Variants in LDLRAD4 observed in about 807,000 individuals in gnomAD.
LDLRAD4 encodes low density lipoprotein receptor class A domain containing 4, also known as low-density lipoprotein receptor class A domain-containing protein 4.
In LDLRAD4, 5 loss-of-function variants were observed where a neutral mutation model predicts 17.0. The observed-to-expected ratio is 0.29, with a 90% CI of 0.15 to 0.62. LDLRAD4 has a LOEUF of 0.62. LDLRAD4 is among the 20% of genes least tolerant of loss of function. LDLRAD4 has a pLI of 0.84. For synonymous variants in LDLRAD4, 168 were observed against 171.8 expected (o/e 0.98, Z 0.17); for missense variants, 340 against 424.7 (o/e 0.80, Z 1.75).
chr18:13,231,875 T>TA (rs1029966013), intron 1 of LDLRAD4, among the ~76,000 whole-genome samples: 1 of 152,204 alleles, frequency 6.6e-6, no homozygotes, highest in African/African-American at 2.4e-5. Flanking sequence ...GGCCAGAGTT[T>TA]ATGTTATTTT....
At chr18:13,591,416 A>C (rs1014009517) in intron 3 of LDLRAD4, among the ~76,000 whole-genome samples, 53 of 138,478 alleles carry the variant, frequency 3.8e-4, no homozygotes, top group Non-Finnish European at 6.9e-4. Context: ...ATGTGTGTGT[A>C]TGTGTGTGTG....
intron 1 of LDLRAD4, among the ~76,000 whole-genome samples, chr18:13,321,898 A>AAAAAAAAAAAAAGAAAAGAAAAG (rs2081261024): frequency 1.0e-5 from 1 of 96,172 alleles, no homozygotes; most frequent in African/African-American, 4.5e-5. Flanking sequence ...AAAAAAAAAA[A>AAAAAAAAAAAAAGAAAAGAAAAG]AAAAGAAAAG....
chr18:13,473,653 AT>A (rs1568213678), intron 3 of LDLRAD4, among the ~76,000 whole-genome samples: 1,351 of 99,156 alleles, frequency 0.014, 105 homozygotes, highest in African/African-American at 0.044. Context: ...ATATATATAT[AT>A]ATATATATAT....
Position 13,450,388 on chromosome 18 carries a change from G to C in LDLRAD4, c.181+12004G>C, listed in dbSNP as rs1450099380. 2.1e-5 allele frequency among the ~76,000 whole-genome samples: 3 copies of C among 139,800 alleles called. No homozygotes were observed. The East Asian group carries it at 6.3e-4, about 29-fold the overall frequency. The allele number at this position is 139,800 out of a possible 152,430, so 91.7% of individuals were successfully genotyped here. Reference sequence around the variant, plus strand: ...TGATTAGTTTTCATAAGTTGTTGAAGGAGAAATAGTTGTTGAAAGATTATG... The same window carrying C: ...TGATTAGTTTTCATAAGTTGTTGAACGAGAAATAGTTGTTGAAAGATTATG... On this transcript the variant is annotated intron_variant, in intron 3 of 5. Coordinates refer to ENST00000359446, the Ensembl canonical transcript of LDLRAD4.
At chr18:13,445,372 TGA>T (rs1250868421) in intron 3 of LDLRAD4, among the ~76,000 whole-genome samples, 17 of 152,114 alleles carry the variant, frequency 1.1e-4, no homozygotes, top group Non-Finnish European at 2.2e-4. Flanking sequence ...AGAGTGTGTG[TGA>T]GTCTGGTGTG....
chr18:13,360,495 C>T (rs1291970917), intron 1 of LDLRAD4, among the ~76,000 whole-genome samples: 2 of 152,174 alleles, frequency 1.3e-5, no homozygotes, highest in Non-Finnish European at 2.9e-5. Context: ...CAGATATCAA[C>T]ACTAAAAAAA....
intron 3 of LDLRAD4, among the ~76,000 whole-genome samples, chr18:13,450,483 G>A (rs1449544113): frequency 6.6e-6 from 1 of 152,198 alleles, no homozygotes; most frequent in Non-Finnish European, 1.5e-5. Context: ...AAAATTATAT[G>A]CTGAGTAATA....
chr18:13,546,994 G>C (rs1217907564), intron 3 of LDLRAD4, among the ~76,000 whole-genome samples: 1 of 152,182 alleles, frequency 6.6e-6, no homozygotes, highest in Non-Finnish European at 1.5e-5. Context: ...GGCTGGTGAG[G>C]TGACACTGCG....
rs56035558 is a variant in LDLRAD4 at position 13,594,665 on chromosome 18, CAA to C, written c.182-26429_182-26428del. Among the ~76,000 whole-genome samples the C allele has an allele frequency of 6.8e-3, 202 of 29,564 alleles. 2 individuals carry two copies. The East Asian group carries it at 0.13, about 19-fold the overall frequency. The allele number at this position is 29,564 out of a possible 152,430, so 19.4% of individuals were successfully genotyped here. On this transcript the variant is annotated intron_variant, in intron 3 of 5. Coordinates refer to ENST00000359446, the Ensembl canonical transcript of LDLRAD4. ...TGGGTGACAGAGCAAGATTCCATCT[CAA>C]AAAAAAAAAAAAAAAAAAAAAAGAA...
At chr18:13,386,891 C>CATAGATAGATAGATAGATAG (rs71174169) in intron 1 of LDLRAD4, among the ~76,000 whole-genome samples, 1 of 146,792 alleles carries the variant, frequency 6.8e-6, no homozygotes, top group Non-Finnish European at 1.5e-5. Flanking sequence ...CCCTGTCATT[C>CATAGATAGATAGATAGATAG]ATAGATAGAT....
chr18:13,312,402 A>C (rs1273167384), intron 1 of LDLRAD4, among the ~76,000 whole-genome samples: 3 of 152,216 alleles, frequency 2.0e-5, no homozygotes, highest in African/African-American at 7.2e-5. Context: ...CATTTCAAAT[A>C]ATGATATTCA....
chr18:13,301,167 A>G (rs1468643471), intron 1 of LDLRAD4, among the ~76,000 whole-genome samples: 1 of 152,098 alleles, frequency 6.6e-6, no homozygotes, highest in Non-Finnish European at 1.5e-5. Context: ...TATCTTGGAG[A>G]GCCTCAGTGT....
At chr18:13,486,323 G>A (rs1263183788) in intron 3 of LDLRAD4, 1 of 152,212 alleles carries the variant, frequency 6.6e-6, no homozygotes, top group Admixed American at 6.5e-5. Flanking sequence ...AAGTAAAACA[G>A]TTTCCTTTCT....
At chr18:13,353,395 T>G (rs768180665) in intron 1 of LDLRAD4, among the ~76,000 whole-genome samples, 5 of 152,194 alleles carry the variant, frequency 3.3e-5, no homozygotes, top group African/African-American at 9.7e-5. Flanking sequence ...GTGTATGCTT[T>G]TCAATTCCCA....
At chr18:13,612,232 G>T in intron 3 of LDLRAD4, 1 of 992,126 alleles carries the variant, frequency 1.0e-6, no homozygotes. Flanking sequence ...GTCTAGCTGC[G>T]TTCTGCTTGC....
At chr18:13,501,849 A>T (rs907445102) in intron 3 of LDLRAD4, among the ~76,000 whole-genome samples, 24 of 152,188 alleles carry the variant, frequency 1.6e-4, no homozygotes, top group African/African-American at 5.8e-4. Flanking sequence ...TCATTTCAAG[A>T]TTCTTAACAA....
chr18:13,605,389 T>A (rs1443849641), intron 3 of LDLRAD4, among the ~76,000 whole-genome samples: 1 of 152,228 alleles, frequency 6.6e-6, no homozygotes, highest in Non-Finnish European at 1.5e-5. Flanking sequence ...GGCTAATTTT[T>A]AAATTTTTTT....
At chr18:13,541,751 G>C (rs192752031) in intron 3 of LDLRAD4, among the ~76,000 whole-genome samples, 1 of 152,222 alleles carries the variant, frequency 6.6e-6, no homozygotes, top group African/African-American at 2.4e-5. Context: ...AGCACACTGA[G>C]AGTAATATAT....
chr18:13,283,452 A>G (rs2045410005), intron 1 of LDLRAD4, among the ~76,000 whole-genome samples: 1 of 152,210 alleles, frequency 6.6e-6, no homozygotes. Flanking sequence ...TCAAAGTTCC[A>G]CAAATCTTTA....
Sources: allele counts gnomAD v4.1 joint callset (sites outside exome capture counted in the v4.1 genomes callset), GRCh38; gene constraint gnomAD v4.1.1; transcripts MANE v1.5; gene names NCBI Gene and HGNC (gene_info 2026-07-23, HGNC 2026-07-21).